Variants in FGF12 observed in about 807,000 individuals in gnomAD.
FGF12 encodes fibroblast growth factor 12B.
A neutral mutation model predicts 23.6 loss-of-function variants in FGF12; 14 were observed. That is an observed-to-expected ratio of 0.59 (90% CI 0.39 to 0.93). The LOEUF is 0.93. Ranked by LOEUF, FGF12 falls within the 40% of genes least tolerant of loss-of-function variation. The pLI is 0.00. For synonymous variants in FGF12, 62 were observed against 77.3 expected (o/e 0.80, Z 1.04); for missense variants, 175 against 217.8 (o/e 0.80, Z 1.24).
chr3:192,549,162 G>C (rs1048647925), intron 2 of FGF12, among the ~76,000 whole-genome samples: 2 of 152,176 alleles, frequency 1.3e-5, no homozygotes, highest in Non-Finnish European at 2.9e-5. Flanking sequence ...TTAACTCCTA[G>C]TAGGCTATAT....
intron 2 of FGF12, among the ~76,000 whole-genome samples, chr3:192,670,912 A>C (rs1482079980): frequency 6.6e-6 from 1 of 152,234 alleles, no homozygotes; most frequent in African/African-American, 2.4e-5. Flanking sequence ...TTCCAGGTAC[A>C]GTGAAGATAG....
At chr3:192,211,016 C>G (rs1363157751) in intron 4 of FGF12, among the ~76,000 whole-genome samples, 1 of 152,116 alleles carries the variant, frequency 6.6e-6, no homozygotes, top group East Asian at 1.9e-4. Flanking sequence ...AGAGGTATGA[C>G]ATAATGTCTC....
At chr3:192,613,038 T>C (rs909582503) in intron 2 of FGF12, among the ~76,000 whole-genome samples, 1 of 151,922 alleles carries the variant, frequency 6.6e-6, no homozygotes, top group Admixed American at 6.6e-5. Flanking sequence ...CTGCTCATTT[T>C]TCTTGGTGGG....
At chr3:192,633,208 G>A (rs2108658011) in intron 2 of FGF12, among the ~76,000 whole-genome samples, 1 of 152,152 alleles carries the variant, frequency 6.6e-6, no homozygotes, top group Admixed American at 6.5e-5. Flanking sequence ...ACCATGCCCA[G>A]CTAGTTTTTG....
At chr3:192,227,252 A>G (rs1027368166) in intron 4 of FGF12, among the ~76,000 whole-genome samples, 1 of 152,164 alleles carries the variant, frequency 6.6e-6, no homozygotes, top group African/African-American at 2.4e-5. Flanking sequence ...CAAAATCACT[A>G]CTTTAGCAGC....
intron 4 of FGF12, among the ~76,000 whole-genome samples, chr3:192,201,321 A>G (rs2108662016): frequency 6.6e-6 from 1 of 152,334 alleles, no homozygotes; most frequent in South Asian, 2.1e-4. Context: ...TGGAAATGGA[A>G]CACAACAACT....
chr3:192,226,749 G>A (rs912591915), intron 4 of FGF12, among the ~76,000 whole-genome samples: 4 of 151,926 alleles, frequency 2.6e-5, no homozygotes, highest in African/African-American at 9.7e-5. Flanking sequence ...ACAACATATC[G>A]TATACTAGAA....
intron 4 of FGF12, among the ~76,000 whole-genome samples, chr3:192,229,752 T>C (rs1057177828): frequency 4.6e-5 from 7 of 152,126 alleles, no homozygotes; most frequent in African/African-American, 1.7e-4. Context: ...TACATGCTAT[T>C]CCTATACAGC....
chr3:192,671,362 C>A (rs901793324), intron 2 of FGF12, among the ~76,000 whole-genome samples: 1 of 152,126 alleles, frequency 6.6e-6, no homozygotes, highest in Non-Finnish European at 1.5e-5. Flanking sequence ...TCCCATTTAC[C>A]ATTGATTCTG....
chr3:192,656,430 C>T (rs377504123), intron 2 of FGF12, among the ~76,000 whole-genome samples: 8 of 152,262 alleles, frequency 5.3e-5, no homozygotes, highest in African/African-American at 1.9e-4. Context: ...TTTAAAACTT[C>T]ATGCTCCATA....
intron 2 of FGF12, among the ~76,000 whole-genome samples, chr3:192,682,479 T>C (rs1282174703): frequency 6.6e-6 from 1 of 152,226 alleles, no homozygotes. Context: ...TTTCCTCACC[T>C]GTCAAGTGAG....
chr3:192,694,630 G>A (rs1022264290), intron 2 of FGF12, among the ~76,000 whole-genome samples: 2 of 151,494 alleles, frequency 1.3e-5, no homozygotes, highest in Admixed American at 6.6e-5. Context: ...GGGTATATAC[G>A]TATACGTACA....
chr3:192,727,099 A>T, intron 2 of FGF12, 82 bp downstream of exon 2: 1 of 1,510,854 alleles, frequency 6.6e-7, no homozygotes, highest in East Asian at 2.5e-5. Context: ...TCGCTCCCCA[A>T]GCACTGCAGT....
At chr3:192,471,321 G>GA (rs147106415) in intron 2 of FGF12, among the ~76,000 whole-genome samples, 14 of 152,072 alleles carry the variant, frequency 9.2e-5, no homozygotes, top group Non-Finnish European at 7.4e-5. Context: ...TATGACACCA[G>GA]AAAAAAATTA....
At chr3:192,424,700 C>G (rs1721640131) in intron 2 of FGF12, among the ~76,000 whole-genome samples, 2 of 152,070 alleles carry the variant, frequency 1.3e-5, no homozygotes, top group African/African-American at 2.4e-5. Flanking sequence ...GAATCACATG[C>G]CACAGGAGGA....
chr3:192,478,714 G>A (rs553493051), intron 2 of FGF12, among the ~76,000 whole-genome samples: 28 of 152,164 alleles, frequency 1.8e-4, no homozygotes, highest in African/African-American at 5.8e-4. Context: ...GGTGAACACC[G>A]GCTGAAAGAA....
At chr3:192,450,269 C>T (rs1167668221) in intron 2 of FGF12, among the ~76,000 whole-genome samples, 3 of 152,182 alleles carry the variant, frequency 2.0e-5, no homozygotes, top group South Asian at 2.1e-4. Flanking sequence ...CCTTCCAACT[C>T]ATTTTCTTAG....
In FGF12 at chr3:192,612,413, T is replaced by A. The variant is rs148684290; in HGVS notation, c.13+114768A>T. On this transcript the variant is annotated intron_variant, in intron 2 of 5. Coordinates refer to ENST00000445105, the MANE Select transcript of FGF12 (RefSeq NM_004113.6). Reference sequence around the variant, plus strand: ...GCCGAACTGGGATCTATAACACACATCTGAATTTCATAACTGTGTTTGGCT... The same window carrying A: ...GCCGAACTGGGATCTATAACACACAACTGAATTTCATAACTGTGTTTGGCT... 1.1e-4 allele frequency among the ~76,000 whole-genome samples: 17 copies of A among 152,090 alleles called. No homozygotes were observed. In the East Asian group the frequency reaches 2.7e-3, roughly 24 times the overall value.
intron 2 of FGF12, among the ~76,000 whole-genome samples, chr3:192,510,648 T>C (rs1724440872): frequency 6.6e-6 from 1 of 152,182 alleles, no homozygotes; most frequent in Admixed American, 6.5e-5. Context: ...AAACTTATGT[T>C]CACAGAAAAA....
Sources: gnomAD v4.1 joint callset for allele counts (sites outside exome capture counted in the v4.1 genomes callset) on GRCh38, gnomAD v4.1.1 for gene constraint, MANE v1.5 for transcripts, NCBI Gene and HGNC (gene_info 2026-07-23, HGNC 2026-07-21) for gene names.